The following PCDHA4 variants were observed in gnomAD, a reference collection of about 807,000 sequenced individuals.
The protein encoded by PCDHA4 is protocadherin alpha 4.
A neutral mutation model predicts 61.4 loss-of-function variants in PCDHA4; 49 were observed. The ratio of observed to expected loss-of-function variants is 0.80; its 90% CI spans 0.63 to 1.01. The LOEUF (loss-of-function observed/expected upper bound fraction) is 1.01, where lower values mean the gene tolerates loss of function less well. Ranked by LOEUF, PCDHA4 falls within the 50% of genes least tolerant of loss-of-function variation. The pLI is 0.00. For synonymous variants in PCDHA4, 590 were observed against 550.3 expected (o/e 1.07, Z -1.01); for missense variants, 1,254 against 1,235.8 (o/e 1.01, Z -0.22).
intron 1 of PCDHA4, among the ~76,000 whole-genome samples, chr5:140,936,899 A>G (rs2091202352): frequency 6.6e-6 from 1 of 152,188 alleles, no homozygotes; most frequent in South Asian, 2.1e-4. Context: ...AATTGGCACT[A>G]TATTGAATCT....
Position 140,843,074 on chromosome 5 carries a change from G to T in PCDHA4, c.2385+33502G>T. On this transcript the variant is annotated intron_variant, in intron 1 of 3. Coordinates refer to ENST00000530339, the MANE Select transcript of PCDHA4 (RefSeq NM_018907.4). ...AGCGAGCAAGCTGGTGCCGCGGTCT[G>T]TGGGCGCGGGCCACGTGGTAGCGAA... is the stretch of plus-strand genomic sequence containing the variant. The T allele has an allele frequency of 3.1e-6, 5 of 1,595,392 alleles. 1 individual carries two copies. Among genetic ancestry groups the T allele is most frequent in the Non-Finnish European group, 4.3e-6 (5 of 1,165,320 alleles).
At chr5:140,894,223 T>C (rs2064371572) in intron 1 of PCDHA4, among the ~76,000 whole-genome samples, 1 of 152,124 alleles carries the variant, frequency 6.6e-6, no homozygotes. Context: ...ATTTTAAAGA[T>C]GTTGAATGAC....
chr5:140,828,276 G>A (rs2150153517), intron 1 of PCDHA4: 50 of 1,613,972 alleles, frequency 3.1e-5, no homozygotes, highest in Non-Finnish European at 3.7e-5. Flanking sequence ...CTGGTGCCGC[G>A]CCTGTTCAGG....
chr5:140,920,374 G>T (rs1427300257), intron 1 of PCDHA4, among the ~76,000 whole-genome samples: 1 of 151,964 alleles, frequency 6.6e-6, no homozygotes, highest in East Asian at 1.9e-4. Flanking sequence ...TATTCTTGTG[G>T]ATTCATATTA....
chr5:140,822,724 A>G (rs1767410932), intron 1 of PCDHA4: 1 of 1,612,750 alleles, frequency 6.2e-7, no homozygotes, highest in Non-Finnish European at 8.5e-7. Flanking sequence ...CTCATATGAA[A>G]TTAATATTGA....
chr5:140,853,840 A>G, intron 1 of PCDHA4: 1 of 986,846 alleles, frequency 1.0e-6, no homozygotes, highest in Non-Finnish European at 1.2e-6. Flanking sequence ...GAAATTTTAG[A>G]TCCATAGCCC....
chr5:141,007,524 C>T (rs2098334216), intron 3 of PCDHA4, among the ~76,000 whole-genome samples: 1 of 151,984 alleles, frequency 6.6e-6, no homozygotes, highest in African/African-American at 2.4e-5. Context: ...GCTGATATCT[C>T]GCCACTGCAC....
At chr5:140,926,906 G>T in intron 1 of PCDHA4, 1 of 1,559,584 alleles carries the variant, frequency 6.4e-7, no homozygotes, top group Non-Finnish European at 8.7e-7. Context: ...GTGGGCTGTG[G>T]GGTGGCAGTT....
At position 140,883,299 on chromosome 5, in the gene PCDHA4, A is replaced by G. The variant is rs200799645; in HGVS notation, c.2385+73727A>G. 1.4e-5 allele frequency: 22 copies of G among 1,614,110 alleles called. No homozygotes were observed. In the African/African-American group the frequency reaches 2.9e-4, roughly 22 times the overall value. On this transcript the variant is annotated intron_variant, in intron 1 of 3. Coordinates refer to ENST00000530339, the MANE Select transcript of PCDHA4 (RefSeq NM_018907.4). ...CTTTTGGTGGAAGTACTAGATGTAA[A>G]TGATAACGCCCCAGAGGTTACCATC...
chr5:140,828,540 CTG>C (rs1769811066), intron 1 of PCDHA4: 1 of 1,614,252 alleles, frequency 6.2e-7, no homozygotes, highest in East Asian at 2.2e-5. Context: ...CTGCCAGATT[CTG>C]TGTTTCCACT....
Position 140,808,677 on chromosome 5 carries a change from G to T in PCDHA4, c.1490G>T (p.Arg497Leu). Reference protein sequence around the residue: ...NALVSYSLVERRVGERALSSY... With the variant: ...NALVSYSLVELRVGERALSSY... ...CTGGTGTCCTACTCGCTGGTAGAGC[G>T]GCGGGTAGGGGAGCGCGCGCTGTCG... The change falls in exon 1 of 4, where the codon CGG (arginine) becomes CTG (leucine). Residue 497 changes from arginine to leucine, a missense_variant. Physicochemically the swap from Arg to Leu is moderately radical, Grantham distance 102 (BLOSUM62 -2). Coordinates refer to ENST00000530339, the MANE Select transcript of PCDHA4 (RefSeq NM_018907.4). The T allele has an allele frequency of 6.2e-7, 1 of 1,612,648 alleles. No individual in the cohort carries two copies. Among genetic ancestry groups the T allele is most frequent in the Non-Finnish European group, 8.5e-7 (1 of 1,179,834 alleles).
intron 1 of PCDHA4, chr5:140,827,840 A>C: frequency 2.2e-6 from 1 of 457,334 alleles, no homozygotes; most frequent in Non-Finnish European, 3.8e-6. Flanking sequence ...AGAAAAGAAG[A>C]TACTGTTTTA....
chr5:140,830,449 G>A (rs138463634), intron 1 of PCDHA4: 9 of 1,596,848 alleles, frequency 5.6e-6, no homozygotes, highest in East Asian at 4.5e-5. Context: ...TGGGTAAGGC[G>A]GAGAATCAGG....
At chr5:140,980,842 T>C (rs376646751) in intron 2 of PCDHA4, among the ~76,000 whole-genome samples, 2 of 152,328 alleles carry the variant, frequency 1.3e-5, no homozygotes, top group Non-Finnish European at 2.9e-5. Flanking sequence ...ACCTAAATAA[T>C]ACTAATCTTT....
chr5:140,883,433 T>G lies in PCDHA4; in HGVS notation c.2385+73861T>G, dbSNP rs201972709. 38 of 1,614,170 alleles carry G rather than the reference T, an allele frequency of 2.4e-5. No individual in the cohort carries two copies. In the East Asian group the frequency reaches 7.8e-4, roughly 33 times the overall value. ...CTCAAATGGACAGGTCACCTGCACC[T>G]TGACGCCGCATGTCCCCTTCAAGCT... On this transcript the variant is annotated intron_variant, in intron 1 of 3. Transcript: ENST00000530339.
At chr5:141,004,564 T>C (rs1205705593) in intron 3 of PCDHA4, among the ~76,000 whole-genome samples, 1 of 152,196 alleles carries the variant, frequency 6.6e-6, no homozygotes, top group Non-Finnish European at 1.5e-5. Flanking sequence ...AAGATGAACA[T>C]ATCTCTGTGT....
chr5:140,997,866 TG>T (rs1554256038), intron 3 of PCDHA4, among the ~76,000 whole-genome samples: 1 of 152,216 alleles, frequency 6.6e-6, no homozygotes, highest in African/African-American at 2.4e-5. Context: ...TTCTTATGCA[TG>T]CTTGCTAGTA....
chr5:140,928,573 A>G (rs1353807568), intron 1 of PCDHA4: 2 of 1,614,110 alleles, frequency 1.2e-6, no homozygotes, highest in African/African-American at 1.3e-5. Context: ...TCCCTTGCCC[A>G]GAAATGGTTC....
At chr5:140,996,695 A>G (rs1207094122) in intron 3 of PCDHA4, among the ~76,000 whole-genome samples, 1 of 152,088 alleles carries the variant, frequency 6.6e-6, no homozygotes, top group East Asian at 1.9e-4. Context: ...ATTCTTCTGA[A>G]CCTCTATCTC....
Sources: allele counts gnomAD v4.1 joint callset (sites outside exome capture counted in the v4.1 genomes callset), GRCh38; gene constraint gnomAD v4.1.1; transcripts MANE v1.5; gene names NCBI Gene and HGNC (gene_info 2026-07-23, HGNC 2026-07-21).